Variants in ARVCF observed in about 807,000 individuals in gnomAD.
The protein encoded by ARVCF is splicing regulator ARVCF.
A neutral mutation model predicts 90.9 loss-of-function variants in ARVCF; 66 were observed. The observed-to-expected ratio is 0.73, with a 90% CI of 0.60 to 0.89. ARVCF has a LOEUF of 0.89. Ranked by LOEUF, ARVCF falls within the 40% of genes least tolerant of loss-of-function variation. ARVCF has a pLI of 0.00. For missense variants in ARVCF, 1,469 were observed against 1,382.3 expected (o/e 1.06, Z -1.00); for synonymous variants, 653 against 603.4 (o/e 1.08, Z -1.21).
At chr22:19,978,102 A>C in intron 7 of ARVCF, 27 bp from the exon 8 acceptor site, 7 of 1,563,028 alleles carry the variant, frequency 4.5e-6, no homozygotes, top group Non-Finnish European at 6.1e-6. Context: ...AGGCCAGGTG[A>C]CCCCTGGCTA....
chr22:19,967,195 A>G (rs1569136680), downstream of ARVCF: 1 of 1,304,680 alleles, frequency 7.7e-7, no homozygotes, highest in Non-Finnish European at 1.0e-6. Context: ...CAGTCCGCTG[A>G]CGTCTTCTGT....
At chr22:20,016,096 C>T (rs1025853265) in intron 1 of ARVCF, among the ~76,000 whole-genome samples, 1 of 152,178 alleles carries the variant, frequency 6.6e-6, no homozygotes, top group African/African-American at 2.4e-5. Flanking sequence ...GCGGCAGGAG[C>T]AGCGCGGCGC....
intron 13 of ARVCF, 87 bp downstream of exon 13, chr22:19,973,556 C>G: frequency 6.6e-7 from 1 of 1,523,026 alleles, no homozygotes; most frequent in Non-Finnish European, 8.8e-7. Flanking sequence ...GACTCCCAAA[C>G]CACTCATCCT....
At chr22:19,975,250 T>C (rs1000741608) in intron 11 of ARVCF, among the ~76,000 whole-genome samples, 4 of 152,156 alleles carry the variant, frequency 2.6e-5, no homozygotes, top group Non-Finnish European at 1.5e-5. Flanking sequence ...TACAGCCCAA[T>C]AGGCACTGCC....
At chr22:19,984,516 G>A (rs139359371) in intron 3 of ARVCF, among the ~76,000 whole-genome samples, 1,758 of 152,298 alleles carry the variant, frequency 0.012, 18 homozygotes, top group Middle Eastern at 0.044. Context: ...GCAGGTGCAT[G>A]AGTCAGCCAG....
intron 2 of ARVCF, among the ~76,000 whole-genome samples, chr22:20,008,606 G>A (rs1944716779): frequency 6.6e-6 from 1 of 152,196 alleles, no homozygotes; most frequent in Non-Finnish European, 1.5e-5. Flanking sequence ...ACACATGGGT[G>A]TTTACATCAG....
downstream of ARVCF, chr22:19,967,349 G>T: frequency 3.4e-6 from 2 of 590,976 alleles, no homozygotes; most frequent in Non-Finnish European, 3.0e-6. Context: ...CCTCCTCCCG[G>T]GTGGCGCTTT....
intron 3 of ARVCF, among the ~76,000 whole-genome samples, chr22:19,985,614 A>G (rs1943725881): frequency 6.6e-6 from 1 of 152,254 alleles, no homozygotes; most frequent in African/African-American, 2.4e-5. Flanking sequence ...CACAGGGAGC[A>G]GAAAAGCAAG....
intron 3 of ARVCF, among the ~76,000 whole-genome samples, chr22:19,983,394 G>A (rs898491785): frequency 2.6e-5 from 4 of 152,236 alleles, no homozygotes; most frequent in Admixed American, 6.5e-5. Flanking sequence ...GATGCTCAGC[G>A]CTGCCCTCAG....
chr22:19,989,354 T>C (rs1350847167), intron 3 of ARVCF, among the ~76,000 whole-genome samples: 1 of 152,098 alleles, frequency 6.6e-6, no homozygotes, highest in Non-Finnish European at 1.5e-5. Context: ...GTGGGTCTCA[T>C]GAGCAGACGT....
Position 19,981,290 on chromosome 22 carries a change from C to A in ARVCF, c.817G>T (p.Glu273Ter). The change falls in exon 5 of 20, where the codon GAG becomes TAG. Residue 273 changes from glutamate to a stop codon, truncating the protein, a stop_gained. Transcript: ENST00000263207. LOFTEE classifies it high-confidence loss of function. ...DDTRSLAADDEGGPELEPDYG... is the reference protein window; with the variant it reads ...DDTRSLAADD Reference sequence around the variant, plus strand: ...TCAGGCTCCAGCTCAGGGCCACCCTCGTCATCAGCGGCCAGGCTGCGCGTG... The same window carrying A: ...TCAGGCTCCAGCTCAGGGCCACCCTAGTCATCAGCGGCCAGGCTGCGCGTG... 6.3e-7 allele frequency: 1 copy of A among 1,586,378 alleles called. No homozygotes were observed. Among genetic ancestry groups the A allele is most frequent in the East Asian group, 2.3e-5 (1 of 42,922 alleles).
Position 19,977,536 on chromosome 22 carries a change from G to C in ARVCF, c.1749C>G (p.His583Gln). The C allele has an allele frequency of 6.3e-7, 1 of 1,595,448 alleles. No homozygotes were observed. ...ACCTGTCGGCCCCGGGCACCTCCTTGTGCACGTGGTAGGACAGGTTCCGCA... is the reference window on the plus strand; with the variant it reads ...ACCTGTCGGCCCCGGGCACCTCCTTCTGCACGTGGTAGGACAGGTTCCGCA... ...CIMRNLSYHV[H>Q]KEVPGADRYQ... The change falls in exon 9 of 20, where the codon CAC becomes CAG. Residue 583 changes from histidine to glutamine, a missense_variant. Transcript: ENST00000263207.
intron 2 of ARVCF, among the ~76,000 whole-genome samples, chr22:19,996,955 C>T (rs542779902): frequency 1.9e-4 from 29 of 152,320 alleles, no homozygotes; most frequent in Middle Eastern, 3.4e-3. Flanking sequence ...CAGTGGCACC[C>T]GCTGATCATG....
In ARVCF at chr22:19,970,118, TGGGCTGGAGAAAGGCTCTCTACTGCACAG is replaced by T. The variant is rs1286262998; in HGVS notation, c.*609_*637del. On this transcript the variant is annotated 3_prime_UTR_variant, in exon 20 of 20. Coordinates refer to ENST00000263207, the MANE Select transcript of ARVCF (RefSeq NM_001670.3). ...GCGGCAGCCCCGGCCCCAGCCAGCA[TGGGCTGGAGAAAGGCTCTCTACTGCACAG>T]GGGCCTCACGTGACTGCAGGGCTCT... is the stretch of plus-strand genomic sequence containing the variant. 1.0e-6 allele frequency: 1 copy of T among 985,392 alleles called. No homozygotes were observed. Among genetic ancestry groups the T allele is most frequent in the African/African-American group, 1.7e-5 (1 of 57,204 alleles). 61.0% of individuals were successfully genotyped at this position (985,392 alleles called of 1,614,324 possible). A position where few individuals can be genotyped will look rare whatever the true frequency, so the allele number is the denominator to read the frequency against.
At chr22:20,008,265 A>G (rs1944704732) in intron 2 of ARVCF, among the ~76,000 whole-genome samples, 1 of 152,180 alleles carries the variant, frequency 6.6e-6, no homozygotes, top group South Asian at 2.1e-4. Flanking sequence ...ACGGCGGCTG[A>G]TGGAGGAGGC....
At chr22:19,972,261 A>G in intron 17 of ARVCF, 97 bp downstream of exon 17, 2 of 1,526,994 alleles carry the variant, frequency 1.3e-6, no homozygotes, top group South Asian at 2.3e-5. Context: ...TCTCTCCTCC[A>G]CCCAGCACCA....
Position 19,977,476 on chromosome 22 carries a change from A to G in ARVCF, c.1809T>C (p.Ala603=). ...CCCGCCTCCGGCGCTGGGAGCCTAC[A>G]GCACTGCCCAGGGGCCCGGGCTCGG... is the stretch of plus-strand genomic sequence containing the variant. ...QEAEPGPLGS[A]VGSQRRRRDD... Residue 603 remains alanine (A), a synonymous_variant, in exon 9 of 20, where the codon GCT becomes GCC. Coordinates refer to ENST00000263207, the MANE Select transcript of ARVCF (RefSeq NM_001670.3). 1 of 1,590,110 alleles carries G rather than the reference A, an allele frequency of 6.3e-7. No individual in the cohort carries two copies. Among genetic ancestry groups the G allele is most frequent in the Non-Finnish European group, 8.6e-7 (1 of 1,167,854 alleles).
At chr22:19,976,622 G>A (rs1943167535) in intron 10 of ARVCF, 84 bp downstream of exon 10, 3 of 1,509,464 alleles carry the variant, frequency 2.0e-6, no homozygotes, top group Non-Finnish European at 2.7e-6. Flanking sequence ...GTGGGGCAGG[G>A]CCCTGGGGCT....
rs750565044 is a variant in ARVCF, at chr22:19,981,557, T to C, written c.550A>G (p.Ser184Gly). The C allele has an allele frequency of 8.8e-6, 14 of 1,597,768 alleles. No homozygotes were observed. Among genetic ancestry groups the C allele is most frequent in the Non-Finnish European group, 1.2e-5 (14 of 1,174,158 alleles). ...PVATLSRAYLSSGGGFPEGPE... is the reference protein window; with the variant it reads ...PVATLSRAYLGSGGGFPEGPE... ...CCTTCGGGAAAGCCACCCCCACTGCTGAGGTAGGCTCGAGAGAGTGTGGCC... is the reference window on the plus strand; with the variant it reads ...CCTTCGGGAAAGCCACCCCCACTGCCGAGGTAGGCTCGAGAGAGTGTGGCC... The change falls in exon 5 of 20, where the codon AGC (serine) becomes GGC (glycine). Residue 184 changes from serine (S) to glycine (G), a missense_variant. Ser to Gly is a moderately conservative substitution (Grantham distance 56, BLOSUM62 0). Coordinates refer to ENST00000263207, the MANE Select transcript of ARVCF (RefSeq NM_001670.3).
Sources: allele counts gnomAD v4.1 joint callset (sites outside exome capture counted in the v4.1 genomes callset), GRCh38; gene constraint gnomAD v4.1.1; transcripts MANE v1.5; gene names NCBI Gene and HGNC (gene_info 2026-07-23, HGNC 2026-07-21).